Variants in ABI1 observed in about 807,000 individuals in gnomAD.
ABI1 encodes Abelson interactor 1.
ABI1 carries 14 observed loss-of-function variants against 54.6 expected under a neutral mutation model. That is an observed-to-expected ratio of 0.26 (90% CI 0.17 to 0.40). The LOEUF (loss-of-function observed/expected upper bound fraction) is 0.40. ABI1 is among the 10% of genes least tolerant of loss of function. The probability of loss-of-function intolerance (pLI) is 1.00; values close to 1 mark genes in which losing one functional copy is unlikely to be tolerated. For missense variants in ABI1, 443 were observed against 598.3 expected (o/e 0.74, Z 2.71); for synonymous variants, 194 against 209.3 (o/e 0.93, Z 0.63).
Position 26,747,981 on chromosome 10 carries a change from C to CTCCTT in ABI1, c.*588_*589insAAGGA, listed in dbSNP as rs60597617. 4.0e-5 allele frequency: 8 copies of CTCCTT among 201,016 alleles called. No homozygotes were observed. Among genetic ancestry groups the CTCCTT allele is most frequent in the Admixed American group, 1.8e-4 (3 of 16,612 alleles). 12.5% of individuals were successfully genotyped at this position (201,016 alleles called of 1,614,324 possible). The stretch of plus-strand genomic sequence containing the variant: ...AACATTACAGATAATTCTCTTTTTG[C>CTCCTT]TTGTTTCACATGGAGACCTTGGAGA... On this transcript the variant is annotated 3_prime_UTR_variant, in exon 11 of 11. Transcript: ENST00000376140.
chr10:26,851,920 C>T (rs750811480), intron 1 of ABI1, among the ~76,000 whole-genome samples: 6 of 151,796 alleles, frequency 4.0e-5, no homozygotes, highest in Admixed American at 6.6e-5. Flanking sequence ...AACAAACTGG[C>T]GAGGTTATCT....
At chr10:26,855,616 C>T (rs911090967) in intron 1 of ABI1, among the ~76,000 whole-genome samples, 2 of 152,140 alleles carry the variant, frequency 1.3e-5, no homozygotes, top group South Asian at 2.1e-4. Flanking sequence ...AATTATATTA[C>T]CCTCTACCCT....
chr10:26,828,451 A>G (rs758245717), intron 1 of ABI1, among the ~76,000 whole-genome samples: 9 of 152,244 alleles, frequency 5.9e-5, no homozygotes, highest in Non-Finnish European at 1.2e-4. Flanking sequence ...AGAAACCTTC[A>G]ATTTGTAAAA....
Position 26,753,114 on chromosome 10 carries a change from A to G in ABI1, c.1085-1331T>C, listed in dbSNP as rs566664996. On this transcript the variant is annotated intron_variant, in intron 9 of 10. Transcript: ENST00000376140. ...TCCAGGTTTAAAATATTTGCAGATA[A>G]TGACCCTATTTCCATAACCACTTCA... is the stretch of plus-strand genomic sequence containing the variant. Among the ~76,000 whole-genome samples, 10 of 152,318 alleles carry G rather than the reference A, an allele frequency of 6.6e-5. No homozygotes were observed. In the East Asian group the frequency reaches 1.9e-3, roughly 29 times the overall value.
At chr10:26,859,772 G>C (rs2051144115) in intron 1 of ABI1, among the ~76,000 whole-genome samples, 1 of 152,184 alleles carries the variant, frequency 6.6e-6, no homozygotes. Flanking sequence ...CATTTACTTA[G>C]CTTGTTAAGA....
At chr10:26,810,518 T>C (rs1429149197) in intron 2 of ABI1, among the ~76,000 whole-genome samples, 3 of 152,232 alleles carry the variant, frequency 2.0e-5, no homozygotes, top group Admixed American at 6.5e-5. Context: ...ATCGGCAAAC[T>C]TTTTCTGGAC....
intron 1 of ABI1, among the ~76,000 whole-genome samples, chr10:26,843,794 C>T (rs1293817099): frequency 6.6e-6 from 1 of 151,512 alleles, no homozygotes; most frequent in Non-Finnish European, 1.5e-5. Context: ...GCTCTATATA[C>T]CACAAGACAT....
intron 1 of ABI1, among the ~76,000 whole-genome samples, chr10:26,848,200 C>CAAAAAAAAAAAAAAAA (rs149066426): frequency 2.5e-5 from 2 of 78,686 alleles, no homozygotes; most frequent in Non-Finnish European, 5.0e-5. Context: ...GACCCTGTCT[C>CAAAAAAAAAAAAAAAA]AAAAAAAAAA....
intron 2 of ABI1, among the ~76,000 whole-genome samples, chr10:26,790,809 C>T (rs1368135557): frequency 6.6e-6 from 1 of 152,116 alleles, no homozygotes; most frequent in Non-Finnish European, 1.5e-5. Context: ...TGACTCACAC[C>T]TATAATCCCA....
intron 5 of ABI1, among the ~76,000 whole-genome samples, chr10:26,769,795 A>G (rs1249322540): frequency 2.0e-5 from 3 of 152,188 alleles, no homozygotes; most frequent in South Asian, 2.1e-4. Context: ...ATACTTTCCT[A>G]AAGTAAAGAG....
At chr10:26,817,044 G>A (rs954912449) in intron 2 of ABI1, among the ~76,000 whole-genome samples, 4 of 150,364 alleles carry the variant, frequency 2.7e-5, no homozygotes, top group Non-Finnish European at 5.9e-5. Context: ...CTGTCGCCCA[G>A]GCTGAGGTAC....
intron 2 of ABI1, among the ~76,000 whole-genome samples, chr10:26,817,558 G>A (rs992896023): frequency 4.6e-5 from 7 of 152,024 alleles, no homozygotes; most frequent in African/African-American, 9.7e-5. Flanking sequence ...GATCACTTGC[G>A]GATGGAGAGT....
intron 6 of ABI1, among the ~76,000 whole-genome samples, chr10:26,765,748 G>T (rs892800308): frequency 6.6e-6 from 1 of 151,614 alleles, no homozygotes; most frequent in Non-Finnish European, 1.5e-5. Flanking sequence ...GTGGGTGGGG[G>T]TGTGTGTGTA....
intron 6 of ABI1, among the ~76,000 whole-genome samples, chr10:26,765,829 A>T (rs910707157): frequency 1.1e-4 from 16 of 152,130 alleles, no homozygotes; most frequent in Admixed American, 4.6e-4. Flanking sequence ...CTACTTCTCA[A>T]CCTATCTGGA....
chr10:26,827,042 T>A (rs1046149610), intron 1 of ABI1, among the ~76,000 whole-genome samples: 8 of 144,838 alleles, frequency 5.5e-5, no homozygotes, highest in Admixed American at 4.8e-4. Context: ...GCCTCCCAAG[T>A]AGCTGGGACT....
chr10:26,839,991 A>G (rs920258465), intron 1 of ABI1, among the ~76,000 whole-genome samples: 1 of 152,074 alleles, frequency 6.6e-6, no homozygotes, highest in Non-Finnish European at 1.5e-5. Flanking sequence ...TCCTGTATCA[A>G]AAAAAACAAA....
chr10:26,841,754 G>A (rs2049528390), intron 1 of ABI1, among the ~76,000 whole-genome samples: 2 of 151,898 alleles, frequency 1.3e-5, no homozygotes, highest in Admixed American at 1.3e-4. Context: ...TCCATGTTGT[G>A]GCAAATGGCA....
intron 2 of ABI1, among the ~76,000 whole-genome samples, chr10:26,818,892 G>A (rs1461837648): frequency 6.6e-6 from 1 of 152,044 alleles, no homozygotes; most frequent in Non-Finnish European, 1.5e-5. Context: ...CACTCGGGAG[G>A]CTGAGACAGA....
At chr10:26,751,996 G>A (rs1320369930) in intron 9 of ABI1, among the ~76,000 whole-genome samples, 3 of 152,140 alleles carry the variant, frequency 2.0e-5, no homozygotes, top group African/African-American at 7.2e-5. Context: ...GTATCTGGAA[G>A]TACTACAAAT....
Sources: allele counts gnomAD v4.1 joint callset (sites outside exome capture counted in the v4.1 genomes callset), GRCh38; gene constraint gnomAD v4.1.1; transcripts MANE v1.5; gene names NCBI Gene and HGNC (gene_info 2026-07-23, HGNC 2026-07-21).